Variants in CADM2 observed in about 807,000 individuals in gnomAD.
The protein encoded by CADM2 is cell adhesion molecule 2.
A neutral mutation model predicts 49.8 loss-of-function variants in CADM2; 12 were observed. That is an observed-to-expected ratio of 0.24 (90% confidence interval 0.15 to 0.39). The LOEUF (loss-of-function observed/expected upper bound fraction) is 0.39. Ranked by LOEUF, CADM2 falls within the 10% of genes least tolerant of loss-of-function variation. The probability of loss-of-function intolerance (pLI) is 1.00; values close to 1 mark genes in which losing one functional copy is unlikely to be tolerated. For synonymous variants in CADM2, 214 were observed against 175.4 expected, an observed-to-expected ratio of 1.22 and a Z score of -1.74; for missense variants, 378 against 492.3, an observed-to-expected ratio of 0.77 and a Z score of 2.20.
chr3:86,011,807 G>C (rs1428552724), intron 8 of CADM2, among the ~76,000 whole-genome samples: 1 of 151,918 alleles, frequency 6.6e-6, no homozygotes, highest in East Asian at 1.9e-4. Context: ...GGAAACGTAC[G>C]AACATAAATT....
chr3:85,188,491 A>G (rs938559125), intron 1 of CADM2, among the ~76,000 whole-genome samples: 1 of 152,126 alleles, frequency 6.6e-6, no homozygotes, highest in Non-Finnish European at 1.5e-5. Flanking sequence ...CCTAGTAATT[A>G]TTTTTATAAA....
At chr3:86,047,934 G>A (rs1023875889) in intron 8 of CADM2, among the ~76,000 whole-genome samples, 2 of 152,058 alleles carry the variant, frequency 1.3e-5, no homozygotes, top group African/African-American at 4.8e-5. Context: ...CTTTCAAAAT[G>A]TTACATTTAG....
At chr3:85,939,467 A>AC (rs1431171948) in intron 7 of CADM2, among the ~76,000 whole-genome samples, 1,453 of 136,486 alleles carry the variant, frequency 0.011, 27 homozygotes, top group African/African-American at 0.041. Flanking sequence ...AAGTAAACGA[A>AC]AACACACACA....
intron 1 of CADM2, among the ~76,000 whole-genome samples, chr3:85,693,785 A>C (rs937801335): frequency 1.3e-5 from 2 of 148,642 alleles, no homozygotes; most frequent in Admixed American, 6.7e-5. Context: ...ACTCCTAGCT[A>C]CTCGGGAGGC....
At chr3:85,030,278 C>A (rs1251258130) in intron 1 of CADM2, among the ~76,000 whole-genome samples, 1 of 152,134 alleles carries the variant, frequency 6.6e-6, no homozygotes, top group Admixed American at 6.6e-5. Context: ...TAACCTAGAT[C>A]AAACGGCAAG....
intron 1 of CADM2, among the ~76,000 whole-genome samples, chr3:85,322,979 T>A (rs2044656007): frequency 6.6e-6 from 1 of 152,210 alleles, no homozygotes; most frequent in Admixed American, 6.5e-5. Context: ...ATTCTTTTAT[T>A]GTGGTGTTTT....
chr3:85,482,237 C>A (rs527340093), intron 1 of CADM2, among the ~76,000 whole-genome samples: 1 of 151,752 alleles, frequency 6.6e-6, no homozygotes, highest in East Asian at 1.9e-4. Context: ...GCTACTCTAG[C>A]GTGACCTTTA....
At chr3:86,039,457 G>T (rs988884340) in intron 8 of CADM2, among the ~76,000 whole-genome samples, 1 of 152,166 alleles carries the variant, frequency 6.6e-6, no homozygotes, top group African/African-American at 2.4e-5. Context: ...GGCTCAGAGG[G>T]TCCCACGCCC....
intron 1 of CADM2, among the ~76,000 whole-genome samples, chr3:85,535,970 A>G (rs2061414411): frequency 6.6e-6 from 1 of 152,132 alleles, no homozygotes; most frequent in Non-Finnish European, 1.5e-5. Context: ...AGGATGGTTT[A>G]TTAAAGAGAA....
At chr3:85,492,251 CCTTT>C (rs2039705633) in intron 1 of CADM2, among the ~76,000 whole-genome samples, 1 of 151,804 alleles carries the variant, frequency 6.6e-6, no homozygotes, top group Non-Finnish European at 1.5e-5. Flanking sequence ...TAATTTGTTC[CCTTT>C]CTTTTTGATC....
At chr3:85,267,063 C>A (rs1032161544) in intron 1 of CADM2, among the ~76,000 whole-genome samples, 4 of 151,644 alleles carry the variant, frequency 2.6e-5, no homozygotes, top group South Asian at 2.1e-4. Context: ...GTTATTTTTT[C>A]CAAAATGTTA....
chr3:85,108,431 A>C (rs2038329581), intron 1 of CADM2, among the ~76,000 whole-genome samples: 1 of 152,174 alleles, frequency 6.6e-6, no homozygotes, highest in Non-Finnish European at 1.5e-5. Context: ...ACTAAGGGAA[A>C]TAAGCCATAA....
intron 1 of CADM2, among the ~76,000 whole-genome samples, chr3:85,190,405 A>C (rs2041180892): frequency 6.6e-6 from 1 of 152,148 alleles, no homozygotes; most frequent in Non-Finnish European, 1.5e-5. Flanking sequence ...ACACTTTCTC[A>C]TTCATCTTAA....
At chr3:85,816,535 T>G (rs978457578) in intron 3 of CADM2, among the ~76,000 whole-genome samples, 1 of 152,162 alleles carries the variant, frequency 6.6e-6, no homozygotes, top group Non-Finnish European at 1.5e-5. Flanking sequence ...ATGCAGGGTA[T>G]TTTCTTTTAA....
chr3:85,392,776 T>G (rs889153283), intron 1 of CADM2, among the ~76,000 whole-genome samples: 1 of 152,174 alleles, frequency 6.6e-6, no homozygotes, highest in Non-Finnish European at 1.5e-5. Context: ...ATTTAAATCC[T>G]ATACTTAATA....
At chr3:85,230,525 T>C (rs2042262038) in intron 1 of CADM2, among the ~76,000 whole-genome samples, 1 of 152,178 alleles carries the variant, frequency 6.6e-6, no homozygotes, top group South Asian at 2.1e-4. Context: ...AAATTGTTAA[T>C]TCGTTCAAAT....
intron 1 of CADM2, among the ~76,000 whole-genome samples, chr3:85,638,514 CAG>C (rs2064590585): frequency 6.6e-6 from 1 of 152,006 alleles, no homozygotes; most frequent in South Asian, 2.1e-4. Flanking sequence ...TATGTTTCAA[CAG>C]AACTAGTTAT....
intron 1 of CADM2, among the ~76,000 whole-genome samples, chr3:85,242,132 C>T (rs541869973): frequency 6.6e-6 from 1 of 150,720 alleles, no homozygotes; most frequent in Non-Finnish European, 1.5e-5. Flanking sequence ...TAAGTGTTCT[C>T]ATGAAATACT....
Position 85,542,615 on chromosome 3 carries a change from C to A in CADM2, c.62-183907C>A, listed in dbSNP as rs113165588. On this transcript the variant is annotated intron_variant, in intron 1 of 9. Transcript: ENST00000383699. ...GTATTTTGAATAGCCTATGCCCTAG[C>A]TCTCTTGTTAAGCTTACATATAAAT... Among the ~76,000 whole-genome samples, 501 of 152,250 alleles carry A rather than the reference C, an allele frequency of 3.3e-3. 3 individuals are homozygous for A. Among genetic ancestry groups the A allele is most frequent in the African/African-American group, 0.011 (439 of 41,534 alleles).
Sources: allele counts gnomAD v4.1 joint callset (sites outside exome capture counted in the v4.1 genomes callset), GRCh38; gene constraint gnomAD v4.1.1; transcripts MANE v1.5; gene names NCBI Gene and HGNC (gene_info 2026-07-23, HGNC 2026-07-21).